The following BTD variants were observed in gnomAD, a reference collection of about 807,000 sequenced individuals.
BTD encodes the protein biocytinase.
A neutral mutation model predicts 17.7 loss-of-function variants in BTD; 13 were observed. The ratio of observed to expected loss-of-function variants is 0.74; its 90% CI spans 0.48 to 1.17. The LOEUF (loss-of-function observed/expected upper bound fraction) is 1.17, where lower values mean the gene tolerates loss of function less well. Among genes scored for constraint, BTD ranks in the 50% most tolerant of loss-of-function variants. The pLI is 0.00. For synonymous variants in BTD, 240 were observed against 245.2 expected, an observed-to-expected ratio of 0.98 and a Z score of 0.20; for missense variants, 674 against 650.4, an observed-to-expected ratio of 1.04 and a Z score of -0.39.
chr3:15,626,808 AAAAG>A (rs1559587359), intron 1 of BTD, among the ~76,000 whole-genome samples: 1 of 151,398 alleles, frequency 6.6e-6, no homozygotes, highest in African/African-American at 2.4e-5. Flanking sequence ...AAAGAAAAGA[AAAAG>A]AAGCTATAGG....
chr3:15,713,504 T>C (rs2072596672), downstream of BTD: 2 of 1,587,656 alleles, frequency 1.3e-6, no homozygotes, highest in Non-Finnish European at 1.7e-6. Flanking sequence ...GTATCAGTTA[T>C]CAACACCTCG....
intron 3 of BTD, among the ~76,000 whole-genome samples, chr3:15,662,242 T>A (rs2065932268): frequency 6.6e-6 from 1 of 152,274 alleles, no homozygotes. Flanking sequence ...GTCTTTTTAT[T>A]CATGAACGGA....
chr3:15,691,781 T>A (rs2068834009), intron 3 of BTD, among the ~76,000 whole-genome samples: 2 of 152,164 alleles, frequency 1.3e-5, no homozygotes, highest in African/African-American at 4.8e-5. Flanking sequence ...AAAATTATGC[T>A]ACTGAAAGAA....
downstream of BTD, among the ~76,000 whole-genome samples, chr3:15,714,403 G>A (rs1233820329): frequency 6.6e-6 from 1 of 151,882 alleles, no homozygotes; most frequent in Non-Finnish European, 1.5e-5. Flanking sequence ...GAAAGATACA[G>A]CTACGTGGTA....
chr3:15,720,879 T>C, intron 4 of BTD: 3 of 1,581,730 alleles, frequency 1.9e-6, no homozygotes, highest in African/African-American at 2.7e-5. Flanking sequence ...AACAGTGACA[T>C]ATGAAATACT....
intron 3 of BTD, chr3:15,695,066 ACCGTCTTTGTG>A (rs1386090794): frequency 1.8e-5 from 15 of 840,954 alleles, no homozygotes; most frequent in Admixed American, 1.6e-4. Flanking sequence ...GATTTCTGTC[ACCGTCTTTGTG>A]CCTAATATGT....
rs1267590635 is a variant in BTD, at chr3:15,653,233, A to C, written c.*7745A>C. Among the ~76,000 whole-genome samples the C allele has an allele frequency of 6.6e-6, 1 of 152,270 alleles. No homozygotes were observed. Among genetic ancestry groups the C allele is most frequent in the Non-Finnish European group, 1.5e-5 (1 of 68,046 alleles). ...TAGGGCCCATCAATCTGTGTTTAAC[A>C]AGTCCTCCAGGTGATTCCGATCCTA... On this transcript the variant is annotated 3_prime_UTR_variant, in exon 4 of 4. Coordinates refer to ENST00000643237, the MANE Select transcript of BTD (RefSeq NM_001370658.1).
chr3:15,665,092 T>C (rs573225076), intron 3 of BTD, among the ~76,000 whole-genome samples: 1 of 152,220 alleles, frequency 6.6e-6, no homozygotes, highest in African/African-American at 2.4e-5. Flanking sequence ...CTAATTAAGA[T>C]AGTAGACAAG....
chr3:15,705,094 C>G (rs1263719247), intron 3 of BTD, among the ~76,000 whole-genome samples: 1 of 152,086 alleles, frequency 6.6e-6, no homozygotes. Context: ...TCTTTCGGAT[C>G]CCAAGTATCA....
intron 3 of BTD, among the ~76,000 whole-genome samples, chr3:15,708,669 C>T (rs758792879): frequency 1.2e-3 from 184 of 152,138 alleles, no homozygotes; most frequent in Non-Finnish European, 2.2e-3. Flanking sequence ...TATTGCATTC[C>T]AAAGCCAAAG....
chr3:15,690,281 T>A, intron 3 of BTD: 1 of 1,335,632 alleles, frequency 7.5e-7, no homozygotes, highest in East Asian at 2.5e-5. Flanking sequence ...TCCTAAATAC[T>A]TGAATAAATG....
intron 3 of BTD, among the ~76,000 whole-genome samples, chr3:15,704,910 G>T (rs1474736904): frequency 2.0e-5 from 3 of 152,090 alleles, no homozygotes; most frequent in Admixed American, 6.5e-5. Flanking sequence ...ATAAAGATAG[G>T]AAACAGAGGC....
chr3:15,610,307 G>A (rs2064579149), intron 1 of BTD, among the ~76,000 whole-genome samples: 1 of 152,176 alleles, frequency 6.6e-6, no homozygotes, highest in Admixed American at 6.5e-5. Flanking sequence ...TCATTGGATG[G>A]CAGCAGGTTG....
At chr3:15,692,034 G>A (rs2068867083) in intron 3 of BTD, among the ~76,000 whole-genome samples, 1 of 151,906 alleles carries the variant, frequency 6.6e-6, no homozygotes, top group Non-Finnish European at 1.5e-5. Context: ...CAGCTATGCA[G>A]GAGGCTGAGG....
intron 2 of BTD, among the ~76,000 whole-genome samples, chr3:15,640,868 T>G (rs764017744): frequency 6.6e-6 from 1 of 152,134 alleles, no homozygotes; most frequent in Non-Finnish European, 1.5e-5. Flanking sequence ...TTTTCCAAAT[T>G]TTCTACAGTA....
chr3:15,685,740 T>G (rs1309122435), intron 3 of BTD, among the ~76,000 whole-genome samples: 2 of 152,092 alleles, frequency 1.3e-5, no homozygotes, highest in Admixed American at 1.3e-4. Flanking sequence ...AGAAAATAAG[T>G]GAGATAATGG....
In BTD at chr3:15,635,865, C is replaced by T. The variant is rs537568275; in HGVS notation, c.249+177C>T. ...GAGCCTTACCCCTCAGAGAGTGGTC[C>T]GTGGACCGGCATCCCCTGGGAGCTT... On this transcript the variant is annotated intron_variant, in intron 2 of 3. Transcript: ENST00000643237. This position sits in a 1 kb window ranked among gnomAD's most constrained non-coding sequence, Gnocchi z 4.1. 2.8e-4 allele frequency among the ~76,000 whole-genome samples: 43 copies of T among 152,268 alleles called. No individual in the cohort carries two copies. The South Asian group carries it at 3.1e-3, about 11-fold the overall frequency.
chr3:15,700,348 T>A (rs1329064616), intron 3 of BTD, among the ~76,000 whole-genome samples: 2 of 151,412 alleles, frequency 1.3e-5, no homozygotes, highest in Non-Finnish European at 2.9e-5. Flanking sequence ...CTAATGTAAA[T>A]AATGTAAATG....
At chr3:15,719,027 G>A (rs1405183803) in intron 4 of BTD, among the ~76,000 whole-genome samples, 1 of 152,104 alleles carries the variant, frequency 6.6e-6, no homozygotes, top group African/African-American at 2.4e-5. Context: ...AAACTTTCTA[G>A]TAATTACTTA....
Sources: gnomAD v4.1 joint callset for allele counts (sites outside exome capture counted in the v4.1 genomes callset) on GRCh38, gnomAD v4.1.1 for gene constraint, Gnocchi (gnomAD v3.1) non-coding constraint, MANE v1.5 for transcripts, NCBI Gene and HGNC (gene_info 2026-07-23, HGNC 2026-07-21) for gene names.